The following COLGALT1 variants were observed in gnomAD, a reference collection of about 807,000 sequenced individuals.
The protein encoded by COLGALT1 is collagen beta(1-O)galactosyltransferase 1.
Under a neutral mutation model 60.8 loss-of-function variants are expected in COLGALT1, and 43 were observed. The ratio of observed to expected loss-of-function variants is 0.71; its 90% CI spans 0.55 to 0.91. COLGALT1 has a LOEUF of 0.91. Ranked by LOEUF, COLGALT1 falls within the 40% of genes least tolerant of loss-of-function variation. The pLI, the probability that COLGALT1 is intolerant of heterozygous loss-of-function variation, is 0.00. For missense variants in COLGALT1, 845 were observed against 880.0 expected, an observed-to-expected ratio of 0.96 and a Z score of 0.50; for synonymous variants, 369 against 374.2, an observed-to-expected ratio of 0.99 and a Z score of 0.16.
chr19:17,582,053 T>A lies in COLGALT1; in HGVS notation c.*609T>A, dbSNP rs1019769644. ...CCTCCCAAGTAGCTGGGACTATAGG[T>A]GCGTGCCATCACATCTGGCTAGTTT... On this transcript the variant is annotated 3_prime_UTR_variant, in exon 12 of 12. Coordinates refer to ENST00000252599, the MANE Select transcript of COLGALT1 (RefSeq NM_024656.4). The A allele has an allele frequency of 6.5e-6, 1 of 154,068 alleles. No homozygotes were observed. 9.5% of individuals were successfully genotyped at this position (154,068 alleles called of 1,614,324 possible). A position where few individuals can be genotyped will look rare whatever the true frequency, so the allele number is the denominator to read the frequency against.
At chr19:17,577,000 G>T in intron 6 of COLGALT1, 195 bp from the exon 7 acceptor site, 2 of 603,192 alleles carry the variant, frequency 3.3e-6, no homozygotes, top group East Asian at 2.8e-5. Context: ...GTGTGGCCAG[G>T]GCTTTGGGCT....
intron 6 of COLGALT1, 70 bp from the exon 7 acceptor site, chr19:17,577,124 TG>T: frequency 6.8e-7 from 1 of 1,473,172 alleles, no homozygotes. Context: ...ATGGAGTGGG[TG>T]GGGAAAGCGT....
At chr19:17,559,091 C>T (rs779737651) in intron 1 of COLGALT1, among the ~76,000 whole-genome samples, 14 of 151,880 alleles carry the variant, frequency 9.2e-5, no homozygotes, top group East Asian at 1.9e-4. Context: ...ACCCGGGAGG[C>T]GGAGCTTGCA....
chr19:17,569,615 A>G (rs2076300141), intron 5 of COLGALT1, among the ~76,000 whole-genome samples: 1 of 151,462 alleles, frequency 6.6e-6, no homozygotes, highest in Admixed American at 6.6e-5. Context: ...TTTTATATTT[A>G]TAGTAGAGAC....
Position 17,568,617 on chromosome 19 carries a change from G to A in COLGALT1, c.733G>A (p.Ala245Thr). ...HSTFLIDLRK[A>T]ASRNLAFYPP... ...GACCTTCCTGATCGACCTGCGGAAG[G>A]CGGCGTCCAGGAACCTGGCCTTCTA... Residue 245 changes from alanine to threonine, a missense_variant, in exon 5 of 12, where the codon GCG (alanine) becomes ACG (threonine). By Grantham distance (58) the Ala-to-Thr change is moderately conservative. Transcript: ENST00000252599. 1.2e-6 allele frequency: 2 copies of A among 1,614,194 alleles called. No homozygotes were observed. Among genetic ancestry groups the A allele is most frequent in the South Asian group, 1.1e-5 (1 of 91,084 alleles).
rs71162156 is a variant in COLGALT1 at position 17,569,891 on chromosome 19, C to CTTTTTTTTTTT, written c.829+1189_829+1199dup. 2.6e-4 allele frequency among the ~76,000 whole-genome samples: 26 copies of CTTTTTTTTTTT among 98,728 alleles called. 3 individuals are homozygous for CTTTTTTTTTTT. Among genetic ancestry groups the CTTTTTTTTTTT allele is most frequent in the Admixed American group, 2.9e-4 (2 of 6,818 alleles). 64.8% of individuals were successfully genotyped at this position (98,728 alleles called of 152,430 possible). A position where few individuals can be genotyped will look rare whatever the true frequency, so the allele number is the denominator to read the frequency against. ...CAGGCCAAACCTGGCCCACTAATTA[C>CTTTTTTTTTTT]TTTTTTTTTTTTTTTTTTTTTGAGA... On this transcript the variant is annotated intron_variant, in intron 5 of 11. Transcript: ENST00000252599.
intron 3 of COLGALT1, among the ~76,000 whole-genome samples, chr19:17,564,248 A>T (rs1386483060): frequency 6.6e-6 from 1 of 151,572 alleles, no homozygotes; most frequent in Non-Finnish European, 1.5e-5. Context: ...ACCCTTTCTT[A>T]AGCTTCGTAT....
At chr19:17,570,811 C>T (rs1182105719) in intron 5 of COLGALT1, among the ~76,000 whole-genome samples, 4 of 151,998 alleles carry the variant, frequency 2.6e-5, no homozygotes, top group Non-Finnish European at 5.9e-5. Context: ...GTGATTCACC[C>T]GCCTCAGCCT....
At chr19:17,579,804 C>A in intron 10 of COLGALT1, 195 bp downstream of exon 10, 1 of 658,578 alleles carries the variant, frequency 1.5e-6, no homozygotes, top group Non-Finnish European at 2.5e-6. Flanking sequence ...CGGAGTGGAG[C>A]TGAATCCTAC....
intron 6 of COLGALT1, 188 bp from the exon 7 acceptor site, chr19:17,577,007 G>GGGGCGGGGTGAA: frequency 8.3e-6 from 3 of 361,440 alleles, no homozygotes; most frequent in Admixed American, 4.3e-5. Context: ...CAGGGCTTTG[G>GGGGCGGGGTGAA]GCTGCTGTGC....
chr19:17,581,448 G>C lies in COLGALT1; in HGVS notation c.*4G>C. 3 of 1,602,510 alleles carry C rather than the reference G, an allele frequency of 1.9e-6. No homozygotes were observed. Among genetic ancestry groups the C allele is most frequent in the Non-Finnish European group, 2.5e-6 (3 of 1,176,980 alleles). Reference sequence around the variant, plus strand: ...TGCTGCCCGGGATGAACTCTGAGGGGTAGCAGCCAGAAAGCCAAAGCAGCC... The same window carrying C: ...TGCTGCCCGGGATGAACTCTGAGGGCTAGCAGCCAGAAAGCCAAAGCAGCC... On this transcript the variant is annotated 3_prime_UTR_variant, in exon 12 of 12. Coordinates refer to ENST00000252599, the MANE Select transcript of COLGALT1 (RefSeq NM_024656.4).
At chr19:17,558,306 C>T (rs1016297947) in intron 1 of COLGALT1, among the ~76,000 whole-genome samples, 5 of 148,440 alleles carry the variant, frequency 3.4e-5, no homozygotes, top group Non-Finnish European at 7.5e-5. Context: ...AACTCCTGAC[C>T]TCAGGTGATA....
At chr19:17,563,771 G>T (rs1204098009) in intron 3 of COLGALT1, among the ~76,000 whole-genome samples, 9 of 152,022 alleles carry the variant, frequency 5.9e-5, no homozygotes, top group Non-Finnish European at 1.3e-4. Flanking sequence ...TGGGATTACC[G>T]GTGTGAGCCA....
In COLGALT1 at chr19:17,571,344, G is replaced by A. The variant is rs537401946; in HGVS notation, c.830-1139G>A. ...AGGCACAAGAATTGTTTGAACCCAGGAGGCAGTGAACGGAGATCACACCAC... is the reference window on the plus strand; with the variant it reads ...AGGCACAAGAATTGTTTGAACCCAGAAGGCAGTGAACGGAGATCACACCAC... On this transcript the variant is annotated intron_variant, in intron 5 of 11. Transcript: ENST00000252599. Among the ~76,000 whole-genome samples the A allele has an allele frequency of 1.8e-4, 28 of 152,104 alleles. No individual in the cohort carries two copies. The East Asian group carries it at 5.0e-3, about 27-fold the overall frequency.
At chr19:17,556,526 G>A (rs1415961891) in intron 1 of COLGALT1, 1 of 985,588 alleles carries the variant, frequency 1.0e-6, no homozygotes, top group Admixed American at 6.1e-5. Context: ...GATGGCCCAG[G>A]AGGAAGTGGA....
chr19:17,562,902 C>T (rs923174373), intron 3 of COLGALT1, among the ~76,000 whole-genome samples: 2 of 152,016 alleles, frequency 1.3e-5, no homozygotes, highest in Non-Finnish European at 2.9e-5. Flanking sequence ...GGGACCCTTT[C>T]GCTTGGTGCC....
chr19:17,559,254 G>A, intron 1 of COLGALT1, 57 bp from the exon 2 acceptor site: 1 of 1,318,692 alleles, frequency 7.6e-7, no homozygotes, highest in Non-Finnish European at 1.1e-6. Flanking sequence ...TTGCCTCACT[G>A]CTGCCTGGTC....
chr19:17,577,003 T>TGAGAGGCAGGACTGGGGGCGGGGTGTAGC (rs1568480813), intron 6 of COLGALT1, 192 bp from the exon 7 acceptor site: 2 of 590,038 alleles, frequency 3.4e-6, no homozygotes, highest in Non-Finnish European at 6.0e-6. Context: ...TGGCCAGGGC[T>TGAGAGGCAGGACTGGGGGCGGGGTGTAGC]TTGGGCTGCT....
chr19:17,574,944 C>A (rs531055900), intron 6 of COLGALT1, among the ~76,000 whole-genome samples: 2 of 152,272 alleles, frequency 1.3e-5, no homozygotes, highest in African/African-American at 4.8e-5. Context: ...GCAGCCTCAA[C>A]CTCCTTGACT....
Sources: allele counts gnomAD v4.1 joint callset (sites outside exome capture counted in the v4.1 genomes callset), GRCh38; gene constraint gnomAD v4.1.1; transcripts MANE v1.5; gene names NCBI Gene and HGNC (gene_info 2026-07-23, HGNC 2026-07-21).